The following IQSEC3 variants were observed in gnomAD, a reference collection of about 807,000 sequenced individuals.
The protein encoded by IQSEC3 is IQ motif and Sec7 domain ArfGEF 3.
IQSEC3 carries 50 observed loss-of-function variants against 105.4 expected under a neutral mutation model. The ratio of observed to expected loss-of-function variants is 0.47; its 90% CI spans 0.38 to 0.60. The LOEUF is 0.60. Among genes scored for constraint, IQSEC3 ranks in the 20% least tolerant of loss-of-function variants. The pLI, the probability that IQSEC3 is intolerant of heterozygous loss-of-function variation, is 0.00. For missense variants in IQSEC3, 1,415 were observed against 1,630.0 expected (o/e 0.87, Z 2.27); for synonymous variants, 708 against 746.0 (o/e 0.95, Z 0.83).
Position 174,927 on chromosome 12 carries a change from C to T in IQSEC3, c.3443C>T (p.Pro1148Leu), listed in dbSNP as rs892016671. Residue 1148 changes from proline (P) to leucine (L), a missense_variant, in exon 14 of 14, where the codon CCG (proline) becomes CTG (leucine). Pro to Leu is a moderately conservative substitution (Grantham distance 98). Coordinates refer to ENST00000538872, the MANE Select transcript of IQSEC3 (RefSeq NM_001170738.2). ...CCGGTCAAGGTCACCCACCAGCCTC[C>T]GCTGCCCCCGCCCCCACCCCCCTAC... ...GSPVKVTHQP[P>L]LPPPPPPYNH... 9.8e-6 allele frequency: 15 copies of T among 1,533,888 alleles called. No homozygotes were observed. Among genetic ancestry groups the T allele is most frequent in the African/African-American group, 1.4e-5 (1 of 73,152 alleles).
At position 113,095 on chromosome 12, in the gene IQSEC3, GC is replaced by G. The variant is rs149032494; in HGVS notation, c.624-12533del. ...CCGGAATGCCACGGGGAACAGCCTG[GC>G]CCCCACTTCCTTCCCTCCATGCTGG... On this transcript the variant is annotated intron_variant, in intron 2 of 13. Transcript: ENST00000538872. Among the ~76,000 whole-genome samples the G allele has an allele frequency of 7.1e-3, 1,082 of 152,204 alleles. 8 individuals carry two copies. Among genetic ancestry groups the G allele is most frequent in the East Asian group, 0.036 (186 of 5,176 alleles).
chr12:73,898 T>C (rs1363947633), intron 1 of IQSEC3, among the ~76,000 whole-genome samples: 2 of 152,284 alleles, frequency 1.3e-5, no homozygotes, highest in African/African-American at 4.8e-5. Context: ...CATCCCTCTG[T>C]GATCTGTAAT....
intron 1 of IQSEC3, among the ~76,000 whole-genome samples, chr12:76,685 C>T (rs1863542375): frequency 6.6e-6 from 1 of 152,272 alleles, no homozygotes; most frequent in African/African-American, 2.4e-5. Flanking sequence ...GCCCCAGAGG[C>T]GTGAGCTCCT....
At chr12:128,387 G>A (rs1865483631) in intron 3 of IQSEC3, among the ~76,000 whole-genome samples, 1 of 152,156 alleles carries the variant, frequency 6.6e-6, no homozygotes, top group Non-Finnish European at 1.5e-5. Context: ...ACATAAAGGG[G>A]GATGGGATGG....
chr12:115,609 A>T (rs144751328), intron 2 of IQSEC3, among the ~76,000 whole-genome samples: 22 of 152,334 alleles, frequency 1.4e-4, no homozygotes, highest in Non-Finnish European at 2.9e-4. Context: ...CATCAAGTAG[A>T]TGCCATAGGC....
intron 1 of IQSEC3, among the ~76,000 whole-genome samples, chr12:80,182 C>T (rs1377547689): frequency 3.3e-5 from 5 of 152,172 alleles, no homozygotes; most frequent in African/African-American, 2.4e-5. Flanking sequence ...CTCTGGCTGA[C>T]GTGCTGCTGC....
intron 2 of IQSEC3, among the ~76,000 whole-genome samples, chr12:120,828 C>T (rs1865194293): frequency 6.6e-6 from 1 of 152,178 alleles, no homozygotes; most frequent in Non-Finnish European, 1.5e-5. Flanking sequence ...CATGTGAACA[C>T]ATCAAAGCTT....
chr12:115,782 T>A (rs540824342), intron 2 of IQSEC3, among the ~76,000 whole-genome samples: 1 of 152,254 alleles, frequency 6.6e-6, no homozygotes, highest in South Asian at 2.1e-4. Context: ...TGGTTCTAAA[T>A]CTCATAGTTA....
intron 8 of IQSEC3, among the ~76,000 whole-genome samples, chr12:162,733 A>C (rs1316657738): frequency 1.3e-5 from 2 of 152,156 alleles, no homozygotes; most frequent in Non-Finnish European, 2.9e-5. Context: ...AGGTCTCAGC[A>C]TCTGTCGGGT....
At position 138,164 on chromosome 12, in the gene IQSEC3, C is replaced by G; in HGVS notation, c.904-103C>G. 9.0e-7 allele frequency: 1 copy of G among 1,114,880 alleles called. No individual in the cohort carries two copies. Among genetic ancestry groups the G allele is most frequent in the Non-Finnish European group, 1.3e-6 (1 of 777,494 alleles). 69.1% of individuals were successfully genotyped at this position (1,114,880 alleles called of 1,614,324 possible). A position where few individuals can be genotyped will look rare whatever the true frequency, so the allele number is the denominator to read the frequency against. On this transcript the variant is annotated intron_variant, in intron 3 of 13. Transcript: ENST00000538872. This position sits in a 1 kb window ranked among gnomAD's most constrained non-coding sequence, Gnocchi z 7.1. ...AGCGCCCCCCCGCCCCCGTCCATTCCTGGGCCCCACCCGAGTGTGGCCGGG... is the reference window on the plus strand; with the variant it reads ...AGCGCCCCCCCGCCCCCGTCCATTCGTGGGCCCCACCCGAGTGTGGCCGGG...
At chr12:71,823 T>A (rs1863331445) in intron 1 of IQSEC3, among the ~76,000 whole-genome samples, 1 of 152,262 alleles carries the variant, frequency 6.6e-6, no homozygotes, top group Admixed American at 6.5e-5. Context: ...TATCCTCTTG[T>A]TCTTCCCCTA....
chr12:170,001 C>T (rs992013232), intron 12 of IQSEC3, among the ~76,000 whole-genome samples: 1 of 152,248 alleles, frequency 6.6e-6, no homozygotes, highest in African/African-American at 2.4e-5. Context: ...TGGTCCATGA[C>T]CCGCCACAGT....
intron 1 of IQSEC3, among the ~76,000 whole-genome samples, chr12:79,630 C>T (rs1197219128): frequency 6.6e-6 from 1 of 152,084 alleles, no homozygotes; most frequent in African/African-American, 2.4e-5. Context: ...GGAGGCCTCC[C>T]TATGTTGCCC....
intron 8 of IQSEC3, 34 bp downstream of exon 8, chr12:162,099 C>T (rs1866918635): frequency 6.2e-7 from 1 of 1,605,212 alleles, no homozygotes. Context: ...CTCCCGTCTC[C>T]TTTCCTTTCT....
In IQSEC3 at chr12:139,243, T is replaced by C; in HGVS notation, c.1880T>C (p.Leu627Pro). The C allele has an allele frequency of 1.2e-6, 2 of 1,607,774 alleles. No homozygotes were observed. The highest frequency in any genetic ancestry group is 2.2e-5 in the South Asian group (2 of 90,140). Residue 627 changes from leucine to proline, a missense_variant, in exon 4 of 14, where the codon CTG (leucine) becomes CCG (proline). This residue lies in a region of IQSEC3 where 720 missense variants were observed against 633.0 expected (regional missense o/e 1.14). Transcript: ENST00000538872. Reference protein sequence around the residue: ...ASKDALQAMILSLPRYHCENP... With the variant: ...ASKDALQAMIPSLPRYHCENP... Reference sequence around the variant, plus strand: ...AAGGACGCCCTGCAGGCCATGATCCTGAGCCTGCCGCGCTACCACTGCGAG... The same window carrying C: ...AAGGACGCCCTGCAGGCCATGATCCCGAGCCTGCCGCGCTACCACTGCGAG...
At chr12:92,516 G>C (rs782031607) in intron 1 of IQSEC3, among the ~76,000 whole-genome samples, 1 of 152,164 alleles carries the variant, frequency 6.6e-6, no homozygotes, top group Non-Finnish European at 1.5e-5. Context: ...TAAGGCACTT[G>C]AGTGGTTCCC....
chr12:86,961 G>A (rs1488919381), intron 1 of IQSEC3, among the ~76,000 whole-genome samples: 4 of 151,962 alleles, frequency 2.6e-5, no homozygotes, highest in Non-Finnish European at 5.9e-5. Context: ...GTTCTAGAAA[G>A]GGCCTCCATG....
chr12:93,702 C>T (rs1466774800), intron 1 of IQSEC3, among the ~76,000 whole-genome samples: 1 of 152,194 alleles, frequency 6.6e-6, no homozygotes, highest in Non-Finnish European at 1.5e-5. Context: ...TTGTCCCCTC[C>T]AAACCTCACG....
chr12:119,633 C>T (rs143871800), intron 2 of IQSEC3, among the ~76,000 whole-genome samples: 2 of 152,292 alleles, frequency 1.3e-5, no homozygotes, highest in East Asian at 1.9e-4. Context: ...GATCAACACC[C>T]ATGGAAGGGA....
Sources: allele counts gnomAD v4.1 joint callset (sites outside exome capture counted in the v4.1 genomes callset), GRCh38; gene constraint gnomAD v4.1.1; regional missense constraint gnomAD v4.1.1; non-coding constraint Gnocchi (gnomAD v3.1); transcripts MANE v1.5; gene names NCBI Gene and HGNC (gene_info 2026-07-23, HGNC 2026-07-21).